MEGF8: variants seen among roughly 807,000 people sequenced by gnomAD.
The protein encoded by MEGF8 is multiple epidermal growth factor-like domains protein 8.
In MEGF8, 156 loss-of-function variants were observed where a neutral mutation model predicts 302.9. The ratio of observed to expected loss-of-function variants is 0.52; its 90% CI spans 0.45 to 0.59. The LOEUF is 0.59. Among genes scored for constraint, MEGF8 ranks in the 20% least tolerant of loss-of-function variants. MEGF8 has a pLI of 0.00. For synonymous variants in MEGF8, 1,621 were observed against 1,660.5 expected, an observed-to-expected ratio of 0.98 and a Z score of 0.58; for missense variants, 3,345 against 3,964.5, an observed-to-expected ratio of 0.84 and a Z score of 4.20.
rs2039540085 is a variant in MEGF8 at position 42,362,107 on chromosome 19, C to T, written c.5738C>T (p.Ser1913Phe). Reference sequence around the variant, plus strand: ...TCCTTTAGGCTGGGCTGCGGGGGCTCCCCCTGCTCCCCAATGCCTCGCTCC... The same window carrying T: ...TCCTTTAGGCTGGGCTGCGGGGGCTTCCCCTGCTCCCCAATGCCTCGCTCC... ...DQAHRLGCGG[S>F]PCSPMPRSPE... is the part of the protein sequence containing the mutation. Residue 1913 changes from serine (S) to phenylalanine (F), a missense_variant, in exon 33 of 42, where the codon TCC (serine) becomes TTC (phenylalanine). Physicochemically the swap from Ser to Phe is radical, Grantham distance 155. Transcript: ENST00000251268. 1 of 1,612,104 alleles carries T rather than the reference C, an allele frequency of 6.2e-7. No individual in the cohort carries two copies. Among genetic ancestry groups the T allele is most frequent in the Non-Finnish European group, 8.5e-7 (1 of 1,179,442 alleles).
In MEGF8 at chr19:42,336,129, G is replaced by T; in HGVS notation, c.1027G>T (p.Asp343Tyr). ...GLAGHAAALV[D>Y]DVWLYVSGGR... ...GGCAGGTCACGCGGCTGCCCTGGTG[G>T]ATGATGTCTGGCTATATGTGTCTGG... is the stretch of plus-strand genomic sequence containing the variant. The change falls in exon 6 of 42, where the codon GAT (aspartate) becomes TAT (tyrosine). Residue 343 changes from aspartate to tyrosine, a missense_variant. Transcript: ENST00000251268. This position sits in a 1 kb window ranked among gnomAD's most constrained non-coding sequence, Gnocchi z 4.8. The T allele has an allele frequency of 6.2e-7, 1 of 1,608,798 alleles. No individual in the cohort carries two copies.
intron 1 of MEGF8, among the ~76,000 whole-genome samples, chr19:42,331,683 C>T (rs1045611249): frequency 1.3e-5 from 2 of 151,670 alleles, no homozygotes; most frequent in African/African-American, 4.9e-5. Flanking sequence ...ATTCTCCTGC[C>T]TCAGCCTCCC....
chr19:42,372,271 C>G (rs761174893), intron 41 of MEGF8, among the ~76,000 whole-genome samples: 6 of 152,114 alleles, frequency 3.9e-5, no homozygotes, highest in Non-Finnish European at 7.3e-5. Flanking sequence ...GTTGGCAGAC[C>G]CCCTCTGATG....
Position 42,351,801 on chromosome 19 carries a change from G to A in MEGF8, c.3101+40G>A. ...GTGGGTGGGCAGGGTGCCCGGCTGT[G>A]TCCTTCCTCCATGACCGGTCATTCT... is the stretch of plus-strand genomic sequence containing the variant. On this transcript the variant is annotated intron_variant, in intron 18 of 41. Transcript: ENST00000251268. This position sits in a 1 kb window ranked among gnomAD's most constrained non-coding sequence, Gnocchi z 5.6. 6.6e-7 allele frequency: 1 copy of A among 1,508,302 alleles called. No individual in the cohort carries two copies. The allele number at this position is 1,508,302 out of a possible 1,614,324, so 93.4% of individuals were successfully genotyped here.
intron 8 of MEGF8, among the ~76,000 whole-genome samples, chr19:42,338,183 G>T (rs1442820912): frequency 1.3e-5 from 2 of 151,874 alleles, no homozygotes; most frequent in African/African-American, 4.8e-5. Context: ...TGGGGATTTG[G>T]TGTACTGATT....
intron 34 of MEGF8, 69 bp from the exon 35 acceptor site, chr19:42,362,979 C>A (rs563245714): frequency 3.7e-6 from 5 of 1,366,036 alleles, no homozygotes; most frequent in Non-Finnish European, 4.1e-6. Flanking sequence ...GCTCCTGGGT[C>A]TGAGGGAGGA....
At position 42,333,569 on chromosome 19, in the gene MEGF8, G is replaced by A. The variant is rs763817528; in HGVS notation, c.188-36G>A. The A allele has an allele frequency of 3.1e-6, 5 of 1,598,980 alleles. 1 individual carries two copies. The highest frequency in any genetic ancestry group is 3.4e-5 in the Admixed American group (2 of 59,386). On this transcript the variant is annotated intron_variant, in intron 1 of 41. Transcript: ENST00000251268. The stretch of plus-strand genomic sequence containing the variant: ...GCAGGGAGGTGTGGGGAGAAGGTCC[G>A]CTTTAGAGCTTGGTCCCTCTGTGCT...
At chr19:42,374,215 C>T (rs1236229085) in intron 41 of MEGF8, among the ~76,000 whole-genome samples, 1 of 152,028 alleles carries the variant, frequency 6.6e-6, no homozygotes, top group Non-Finnish European at 1.5e-5. Context: ...CACAGTGGCT[C>T]ATGCCAGCAC....
At position 42,377,371 on chromosome 19, in the gene MEGF8, C is replaced by T. The variant is rs1654125018; in HGVS notation, c.*596C>T. ...GTGAGGAGATGAGGCTGGGGATAGTCAGGGGCTGGATCACCCAGGGCCTTG... is the reference window on the plus strand; with the variant it reads ...GTGAGGAGATGAGGCTGGGGATAGTTAGGGGCTGGATCACCCAGGGCCTTG... On this transcript the variant is annotated 3_prime_UTR_variant, in exon 42 of 42. Transcript: ENST00000251268. 1 of 152,834 alleles carries T rather than the reference C, an allele frequency of 6.5e-6. No homozygotes were observed. The highest frequency in any genetic ancestry group is 2.4e-5 in the African/African-American group (1 of 41,464). The allele number at this position is 152,834 out of a possible 1,614,324, so 9.5% of individuals were successfully genotyped here.
intron 41 of MEGF8, among the ~76,000 whole-genome samples, chr19:42,371,951 G>T (rs914659385): frequency 3.3e-5 from 5 of 151,960 alleles, no homozygotes; most frequent in Non-Finnish European, 7.4e-5. Flanking sequence ...TGGCATGGTG[G>T]TGCACATCTG....
chr19:42,333,023 C>T (rs955070857), intron 1 of MEGF8, among the ~76,000 whole-genome samples: 1 of 152,180 alleles, frequency 6.6e-6, no homozygotes, highest in Non-Finnish European at 1.5e-5. Flanking sequence ...AGAGTTTGTG[C>T]TTGTAACCAT....
chr19:42,333,987 A>G lies in MEGF8; in HGVS notation c.352-20A>G. The G allele has an allele frequency of 6.2e-7, 1 of 1,608,888 alleles. No individual in the cohort carries two copies. The highest frequency in any genetic ancestry group is 1.7e-5 in the Admixed American group (1 of 59,166). On this transcript the variant is annotated intron_variant, in intron 2 of 41. Coordinates refer to ENST00000251268, the MANE Select transcript of MEGF8 (RefSeq NM_001271938.2). ...TCCCCAGGCCCTGCCCACCTTACCC[A>G]GCACACCTTGTGCCCGCAGATGCTG...
chr19:42,348,411 C>G lies in MEGF8; in HGVS notation c.2237C>G (p.Thr746Arg), dbSNP rs1164738747. ...GGGGCTGAGGACGTGGCCGTGTGGACGCGGGCCCAGCGCCTACACGTCCTG... is the reference window on the plus strand; with the variant it reads ...GGGGCTGAGGACGTGGCCGTGTGGAGGCGGGCCCAGCGCCTACACGTCCTG... ...GPGAEDVAVW[T>R]RAQRLHVLAR... is the part of the protein sequence containing the mutation. The change falls in exon 13 of 42, where the codon ACG (threonine) becomes AGG (arginine). Residue 746 changes from threonine to arginine, a missense_variant. By Grantham distance (71) the Thr-to-Arg change is moderately conservative. Transcript: ENST00000251268. 1 of 1,536,508 alleles carries G rather than the reference C, an allele frequency of 6.5e-7. No individual in the cohort carries two copies. The highest frequency in any genetic ancestry group is 8.7e-7 in the Non-Finnish European group (1 of 1,146,388).
chr19:42,337,830 G>A (rs553489941), intron 8 of MEGF8, among the ~76,000 whole-genome samples: 76 of 151,544 alleles, frequency 5.0e-4, no homozygotes, highest in African/African-American at 1.8e-3. Flanking sequence ...TTGAGAGGGA[G>A]TCTCGCTCCG....
chr19:42,365,794 A>C (rs926520014), intron 35 of MEGF8, among the ~76,000 whole-genome samples: 2 of 148,592 alleles, frequency 1.3e-5, no homozygotes, highest in African/African-American at 5.0e-5. Context: ...AAAAAAAAAA[A>C]AAAATTAGGC....
In MEGF8 at chr19:42,355,968, A is replaced by G. The variant is rs2039445814; in HGVS notation, c.4355A>G (p.Asn1452Ser). ...TGCCGCATGGCTCTGTGTCCTGAGA[A>G]CTGCAATGCCCACACTGGGGCAGGA... ...PHCRMALCPE[N>S]CNAHTGAGTC... The change falls in exon 24 of 42, where the codon AAC becomes AGC. Residue 1452 changes from asparagine (N) to serine (S), a missense_variant. By Grantham distance (46) the Asn-to-Ser change is conservative (BLOSUM62 1). Coordinates refer to ENST00000251268, the MANE Select transcript of MEGF8 (RefSeq NM_001271938.2). 13 of 1,612,338 alleles carry G rather than the reference A, an allele frequency of 8.1e-6. No homozygotes were observed. The highest frequency in any genetic ancestry group is 2.7e-5 in the African/African-American group (2 of 74,924).
rs1461931197 is a variant in MEGF8 at position 42,361,976 on chromosome 19, G to A, written c.5721-114G>A. The A allele has an allele frequency of 1.8e-5, 27 of 1,460,340 alleles. No individual in the cohort carries two copies. In the East Asian group the frequency reaches 2.0e-4, roughly 11 times the overall value. 90.5% of individuals were successfully genotyped at this position (1,460,340 alleles called of 1,614,324 possible). On this transcript the variant is annotated intron_variant, in intron 32 of 41. Transcript: ENST00000251268. ...TGGTGGGGACAGCCAGGCTCAGGAG[G>A]CCTGTGCTATGTCCAGCTTGGGATG...
intron 23 of MEGF8, 34 bp from the exon 24 acceptor site, chr19:42,355,724 C>G: frequency 1.3e-6 from 2 of 1,533,970 alleles, no homozygotes; most frequent in Non-Finnish European, 1.8e-6. Flanking sequence ...AGGAACGTGA[C>G]TTTGCTACCA....
chr19:42,353,507 G>A lies in MEGF8; in HGVS notation c.3593G>A (p.Ser1198Asn). ...GEHCERCRPG[S>N]FGNATGSRGC... Reference sequence around the variant, plus strand: ...CACTGCGAACGATGCCGGCCCGGCAGCTTCGGCAACGCCACAGGCTCTAGG... The same window carrying A: ...CACTGCGAACGATGCCGGCCCGGCAACTTCGGCAACGCCACAGGCTCTAGG... The change falls in exon 21 of 42, where the codon AGC (serine) becomes AAC (asparagine). Residue 1198 changes from serine to asparagine, a missense_variant. Transcript: ENST00000251268. The surrounding 1 kb of genome is among the most constrained non-coding windows in gnomAD (Gnocchi z 6.1). 6.2e-7 allele frequency: 1 copy of A among 1,610,766 alleles called. No individual in the cohort carries two copies. Among genetic ancestry groups the A allele is most frequent in the South Asian group, 1.1e-5 (1 of 90,706 alleles).
Sources: gnomAD v4.1 joint callset for allele counts (sites outside exome capture counted in the v4.1 genomes callset) on GRCh38, gnomAD v4.1.1 for gene constraint, Gnocchi (gnomAD v3.1) non-coding constraint, MANE v1.5 for transcripts, NCBI Gene and HGNC (gene_info 2026-07-23, HGNC 2026-07-21) for gene names.